The following CRTC3 variants were observed in gnomAD, a reference collection of about 807,000 sequenced individuals.
CRTC3 encodes CREB-regulated transcription coactivator 3.
A neutral mutation model predicts 74.5 loss-of-function variants in CRTC3; 26 were observed. That is an observed-to-expected ratio of 0.35 (90% confidence interval 0.26 to 0.48). The LOEUF (loss-of-function observed/expected upper bound fraction) is 0.48, where lower values mean the gene tolerates loss of function less well. Ranked by LOEUF, CRTC3 falls within the 20% of genes least tolerant of loss-of-function variation. The pLI is 0.99. For synonymous variants in CRTC3, 377 were observed against 325.8 expected (o/e 1.16, Z -1.69); for missense variants, 760 against 787.3 (o/e 0.97, Z 0.41).
intron 1 of CRTC3, among the ~76,000 whole-genome samples, chr15:90,538,597 G>C (rs1252059576): frequency 6.6e-6 from 1 of 152,108 alleles, no homozygotes; most frequent in African/African-American, 2.4e-5. Flanking sequence ...GGGTAAAGAT[G>C]AAAGATGATT....
Position 90,634,994 on chromosome 15 carries a change from A to G in CRTC3, c.1267-3452A>G, listed in dbSNP as rs544886974. 1,607 of 1,345,620 alleles carry G rather than the reference A, an allele frequency of 1.2e-3. 1 individual carries two copies. Among genetic ancestry groups the G allele is most frequent in the Non-Finnish European group, 1.6e-3 (1,519 of 948,046 alleles). The allele number at this position is 1,345,620 out of a possible 1,614,324, so 83.4% of individuals were successfully genotyped here. A position where few individuals can be genotyped will look rare whatever the true frequency, so the allele number is the denominator to read the frequency against. On this transcript the variant is annotated intron_variant, in intron 11 of 14. Coordinates refer to ENST00000268184, the MANE Select transcript of CRTC3 (RefSeq NM_022769.5). ...TTCTAGATGACAAGGATTATTTCCTATTTAGAGATGGTGACATTCTTGGAA... is the reference window on the plus strand; with the variant it reads ...TTCTAGATGACAAGGATTATTTCCTGTTTAGAGATGGTGACATTCTTGGAA...
At chr15:90,541,688 T>G (rs1357612744) in intron 2 of CRTC3, among the ~76,000 whole-genome samples, 1 of 152,094 alleles carries the variant, frequency 6.6e-6, no homozygotes, top group Non-Finnish European at 1.5e-5. Context: ...TACTTTATTG[T>G]CAACTTTAGA....
chr15:90,638,594 C>T lies in CRTC3; in HGVS notation c.1415C>T (p.Pro472Leu), dbSNP rs1262081475. ...PRAPEAPAQQ[P>L]QAASSLPQSD... Reference sequence around the variant, plus strand: ...GCCCCTGAGGCCCCTGCCCAGCAGCCCCAGGCAGCCTCCTCACTGCCACAG... The same window carrying T: ...GCCCCTGAGGCCCCTGCCCAGCAGCTCCAGGCAGCCTCCTCACTGCCACAG... The change falls in exon 12 of 15, where the codon CCC becomes CTC. Residue 472 changes from proline (P) to leucine (L), a missense_variant. Around this residue, in one of 2 missense-constraint regions of CRTC3, gnomAD observed 652 missense variants for 635.2 expected, o/e 1.03. Transcript: ENST00000268184. 6.2e-7 allele frequency: 1 copy of T among 1,613,174 alleles called. No homozygotes were observed. Among genetic ancestry groups the T allele is most frequent in the Admixed American group, 1.7e-5 (1 of 60,018 alleles).
intron 11 of CRTC3, among the ~76,000 whole-genome samples, chr15:90,630,333 T>G (rs1002766338): frequency 2.0e-5 from 3 of 152,228 alleles, no homozygotes; most frequent in African/African-American, 7.2e-5. Context: ...GTCTACAGAT[T>G]TGAGAAACAA....
In CRTC3 at chr15:90,638,939, T is replaced by C. The variant is rs1969340191; in HGVS notation, c.1548+124T>C. The C allele has an allele frequency of 2.3e-5, 19 of 833,438 alleles. No homozygotes were observed. The South Asian group carries it at 2.7e-4, about 12-fold the overall frequency. 51.6% of individuals were successfully genotyped at this position (833,438 alleles called of 1,614,324 possible). A position where few individuals can be genotyped will look rare whatever the true frequency, so the allele number is the denominator to read the frequency against. On this transcript the variant is annotated intron_variant, in intron 13 of 14. Coordinates refer to ENST00000268184, the MANE Select transcript of CRTC3 (RefSeq NM_022769.5). ...CACTTTCCTGGTTCTGGTTGTGTTC[T>C]GTGGCTAGAAGAGCCTTTCATCTTC... is the stretch of plus-strand genomic sequence containing the variant.
intron 2 of CRTC3, among the ~76,000 whole-genome samples, chr15:90,575,764 A>G (rs1967389154): frequency 6.6e-6 from 1 of 152,166 alleles, no homozygotes; most frequent in South Asian, 2.1e-4. Context: ...ATTCACTTTC[A>G]TGCTGCTTTT....
At chr15:90,564,064 T>C (rs1967071008) in intron 2 of CRTC3, among the ~76,000 whole-genome samples, 2 of 152,182 alleles carry the variant, frequency 1.3e-5, no homozygotes, top group Non-Finnish European at 2.9e-5. Flanking sequence ...GTACTATTAC[T>C]GTCTCTATTT....
chr15:90,544,193 A>G (rs1966840314), intron 2 of CRTC3, among the ~76,000 whole-genome samples: 1 of 152,208 alleles, frequency 6.6e-6, no homozygotes, highest in Non-Finnish European at 1.5e-5. Context: ...GGTCTGCGGC[A>G]GTCCTTAACT....
At chr15:90,548,428 A>T (rs1386329682) in intron 2 of CRTC3, among the ~76,000 whole-genome samples, 1 of 152,224 alleles carries the variant, frequency 6.6e-6, no homozygotes, top group African/African-American at 2.4e-5. Flanking sequence ...CCTGGGGCCC[A>T]CTACCAATAT....
At chr15:90,558,159 A>G (rs2151064574) in intron 2 of CRTC3, among the ~76,000 whole-genome samples, 1 of 152,230 alleles carries the variant, frequency 6.6e-6, no homozygotes, top group East Asian at 1.9e-4. Context: ...CACATCCCAC[A>G]GCTAAGCCTT....
chr15:90,576,807 A>G (rs912387751), intron 2 of CRTC3, among the ~76,000 whole-genome samples: 1 of 152,136 alleles, frequency 6.6e-6, no homozygotes, highest in Non-Finnish European at 1.5e-5. Flanking sequence ...GTCTGTGGTT[A>G]TCTTGGGAAA....
intron 1 of CRTC3, among the ~76,000 whole-genome samples, chr15:90,535,662 C>G (rs543318410): frequency 8.9e-5 from 3 of 33,826 alleles, no homozygotes; most frequent in Admixed American, 4.2e-4. Context: ...TGAAAATAAA[C>G]CAATGATAAG....
intron 2 of CRTC3, among the ~76,000 whole-genome samples, chr15:90,544,628 T>C (rs771121900): frequency 4.6e-5 from 7 of 152,246 alleles, no homozygotes; most frequent in Non-Finnish European, 1.0e-4. Flanking sequence ...ACAGTTTTTA[T>C]GTAAGTAGCT....
At chr15:90,589,686 G>A (rs915660282) in intron 2 of CRTC3, among the ~76,000 whole-genome samples, 12 of 152,146 alleles carry the variant, frequency 7.9e-5, no homozygotes, top group Non-Finnish European at 1.8e-4. Context: ...GAATGGCAAC[G>A]TGCAATGTTT....
intron 3 of CRTC3, chr15:90,594,813 T>C (rs1022845701): frequency 6.6e-6 from 1 of 152,158 alleles, no homozygotes; most frequent in African/African-American, 2.4e-5. Flanking sequence ...CAGCCTGTGC[T>C]CTCCCCTCCC....
intron 3 of CRTC3, chr15:90,596,561 T>C (rs1967931783): frequency 6.6e-6 from 1 of 152,168 alleles, no homozygotes; most frequent in African/African-American, 2.4e-5. Flanking sequence ...AGCTCCTAAA[T>C]TGGGTTCCTG....
intron 1 of CRTC3, among the ~76,000 whole-genome samples, chr15:90,538,604 G>T (rs1042573514): frequency 4.6e-5 from 7 of 152,052 alleles, no homozygotes; most frequent in Admixed American, 3.9e-4. Context: ...GATGAAAGAT[G>T]ATTGTATATA....
At chr15:90,551,915 T>G (rs1002184879) in intron 2 of CRTC3, among the ~76,000 whole-genome samples, 7 of 5,674 alleles carry the variant, frequency 1.2e-3, no homozygotes, top group African/African-American at 5.7e-3. Context: ...TTACATTACA[T>G]TACATTACAC....
intron 11 of CRTC3, among the ~76,000 whole-genome samples, chr15:90,634,243 G>A (rs1266133930): frequency 6.6e-6 from 1 of 151,828 alleles, no homozygotes; most frequent in Non-Finnish European, 1.5e-5. Flanking sequence ...CTCCCGAATA[G>A]CTGGGACTAC....
Sources: allele counts gnomAD v4.1 joint callset (sites outside exome capture counted in the v4.1 genomes callset), GRCh38; gene constraint gnomAD v4.1.1; regional missense constraint gnomAD v4.1.1; transcripts MANE v1.5; gene names NCBI Gene and HGNC (gene_info 2026-07-23, HGNC 2026-07-21).